The following DGKK variants were observed in gnomAD, a reference collection of about 807,000 sequenced individuals.
DGKK encodes 142 kDa diacylglycerol kinase.
In DGKK, 35 loss-of-function variants were observed where a neutral mutation model predicts 92.2. The observed-to-expected ratio is 0.38, with a 90% CI of 0.29 to 0.50. DGKK has a LOEUF of 0.50. DGKK is among the 20% of genes least tolerant of loss of function. The pLI, the probability that DGKK is intolerant of heterozygous loss-of-function variation, is 0.92. For missense variants in DGKK, 910 were observed against 992.2 expected, an observed-to-expected ratio of 0.92 and a Z score of 1.11; for synonymous variants, 368 against 360.6, an observed-to-expected ratio of 1.02 and a Z score of -0.23.
At chrX:50,441,496 T>A (rs914320819) in intron 1 of DGKK, among the ~76,000 whole-genome samples, 3 of 111,519 alleles carry the variant, frequency 2.7e-5, no homozygotes, top group Admixed American at 9.5e-5. Context: ...CAGTGAAGGA[T>A]TTCAGGAAGG....
chrX:50,385,215 T>C (rs1490426807), intron 15 of DGKK, among the ~76,000 whole-genome samples: 1 of 111,835 alleles, frequency 8.9e-6, no homozygotes, highest in Non-Finnish European at 1.9e-5. Flanking sequence ...TTTACTTATG[T>C]GGCTTTTGTC....
chrX:50,378,128 C>T lies in DGKK; in HGVS notation c.3081G>A (p.Lys1027=). The T allele has an allele frequency of 8.3e-7, 1 of 1,210,285 alleles. No homozygotes were observed. The highest frequency in any genetic ancestry group is 1.1e-6 in the Non-Finnish European group (1 of 895,005). Residue 1027 remains lysine (K), a synonymous_variant, in exon 22 of 28, where the codon AAG becomes AAA. Coordinates refer to ENST00000611977, the MANE Select transcript of DGKK (RefSeq NM_001013742.4). The part of the protein sequence containing the change: ...QRPGLIKIRY[K]NAAQMLTRDR... ...CTCTTGTCAGCATCTGGGCAGCGTT[C>T]TTGTATCTAATTTTGATAAGGCCTG...
intron 1 of DGKK, among the ~76,000 whole-genome samples, chrX:50,464,707 GAAT>G (rs1439732230): frequency 9.1e-6 from 1 of 110,103 alleles, no homozygotes; most frequent in Non-Finnish European, 1.9e-5. Flanking sequence ...GTTTTTGGGA[GAAT>G]AATAGGTCTC....
intron 7 of DGKK, 21 bp downstream of exon 7, chrX:50,403,040 T>C (rs782666957): frequency 8.3e-7 from 1 of 1,207,829 alleles, no homozygotes; most frequent in South Asian, 1.8e-5. Context: ...TCTCTAAATA[T>C]CAAGATGAGA....
chrX:50,424,295 A>T lies in DGKK; in HGVS notation c.709T>A (p.Tyr237Asn). 1 of 1,211,309 alleles carries T rather than the reference A, an allele frequency of 8.3e-7. No individual in the cohort carries two copies. Among genetic ancestry groups the T allele is most frequent in the South Asian group, 1.8e-5 (1 of 56,925 alleles). The change falls in exon 2 of 28, where the codon TAT becomes AAT. Residue 237 changes from tyrosine to asparagine, a missense_variant. Tyr to Asn is a moderately radical substitution (Grantham distance 143, BLOSUM62 -2). Coordinates refer to ENST00000611977, the MANE Select transcript of DGKK (RefSeq NM_001013742.4). ...CNSFKRWKLR[Y>N]FLVQGQKLYF... ...AGCTTCTGTCCTTGAACCAGAAAAT[A>T]TCTAAGCTTCCATCTCTTGAAAGAG...
chrX:50,411,409 A>T (rs1925301740), intron 4 of DGKK, among the ~76,000 whole-genome samples: 1 of 112,699 alleles, frequency 8.9e-6, no homozygotes, highest in Non-Finnish European at 1.9e-5. Flanking sequence ...ATGATGCAAC[A>T]TACATAAATC....
rs782533328 is a variant in DGKK at position 50,369,024 on chromosome X, A to G, written c.3737-5T>C. 5 of 1,200,042 alleles carry G rather than the reference A, an allele frequency of 4.2e-6. No individual in the cohort carries two copies. The highest frequency in any genetic ancestry group is 2.2e-5 in the Admixed American group (1 of 45,645). On this transcript the variant is annotated splice_region_variant and splice_polypyrimidine_tract_variant and intron_variant, in intron 27 of 27. Transcript: ENST00000611977. ...GTCTGCGGTGCCATAAATTGCCTTC[A>G]GAGGAAAAAAAATGGTATAGAAATA... is the stretch of plus-strand genomic sequence containing the variant.
chrX:50,410,606 C>T (rs1557227825), intron 4 of DGKK, among the ~76,000 whole-genome samples: 1 of 111,792 alleles, frequency 8.9e-6, no homozygotes, highest in Non-Finnish European at 1.9e-5. Context: ...TGGCAACTAT[C>T]CACAGGCAAG....
rs1265171501 is a variant in DGKK, at chrX:50,447,417, TA to T, written c.645+22616del. ...ATATTATATATATATATAATATATA[TA>T]TATATATATTATATATATATTTCAC... On this transcript the variant is annotated intron_variant, in intron 1 of 27. Transcript: ENST00000611977. Among the ~76,000 whole-genome samples, 13 of 15,937 alleles carry T rather than the reference TA, an allele frequency of 8.2e-4. 2 individuals are homozygous for T. The African/African-American group carries it at 8.7e-3, about 11-fold the overall frequency. The allele number at this position is 15,937 out of a possible 115,157, so 13.8% of individuals were successfully genotyped here. A position where few individuals can be genotyped will look rare whatever the true frequency, so the allele number is the denominator to read the frequency against.
intron 4 of DGKK, among the ~76,000 whole-genome samples, chrX:50,411,448 C>T (rs190899644): frequency 1.5e-3 from 170 of 111,700 alleles, no homozygotes; most frequent in African/African-American, 5.1e-3. Flanking sequence ...TATCAACAAA[C>T]GAAGAATTCA....
intron 8 of DGKK, among the ~76,000 whole-genome samples, chrX:50,399,238 C>CTG (rs5902471): frequency 0.02 from 2,140 of 106,283 alleles, 38 homozygotes; most frequent in African/African-American, 0.059. Flanking sequence ...TCTAGAGTGG[C>CTG]TGTGTGTGTG....
intron 8 of DGKK, among the ~76,000 whole-genome samples, chrX:50,394,405 A>G (rs1924786252): frequency 1.8e-5 from 2 of 111,671 alleles, no homozygotes; most frequent in Admixed American, 1.9e-4. Flanking sequence ...GCTTGAAGGC[A>G]TCCTAAGCCA....
Position 50,470,810 on chromosome X carries a change from T to C in DGKK, c.-132A>G, listed in dbSNP as rs1927061102. 5.2e-6 allele frequency: 4 copies of C among 767,410 alleles called. No homozygotes were observed. Among genetic ancestry groups the C allele is most frequent in the Non-Finnish European group, 7.2e-6 (4 of 554,392 alleles). 63.2% of individuals were successfully genotyped at this position (767,410 alleles called of 1,213,427 possible). ...CCAAACTTTCCCCCATCCCACTCCATGGCTGGCTTGGCTCTGAGGTCTAAC... is the reference window on the plus strand; with the variant it reads ...CCAAACTTTCCCCCATCCCACTCCACGGCTGGCTTGGCTCTGAGGTCTAAC... On this transcript the variant is annotated 5_prime_UTR_variant, in exon 1 of 28. It removes an upstream start codon present in the reference 5' UTR. Coordinates refer to ENST00000611977, the MANE Select transcript of DGKK (RefSeq NM_001013742.4).
chrX:50,430,542 T>C (rs782558468), intron 1 of DGKK, among the ~76,000 whole-genome samples: 17 of 112,005 alleles, frequency 1.5e-4, no homozygotes, highest in African/African-American at 4.9e-4. Context: ...CAGAGATCAA[T>C]TGGCTTCATT....
Position 50,371,809 on chromosome X carries a change from G to A in DGKK, c.3527C>T (p.Ala1176Val), listed in dbSNP as rs782231491. 5.0e-6 allele frequency: 6 copies of A among 1,202,922 alleles called. No homozygotes were observed. Among genetic ancestry groups the A allele is most frequent in the Non-Finnish European group, 6.7e-6 (6 of 889,063 alleles). Residue 1176 changes from alanine (A) to valine (V), a missense_variant, in exon 26 of 28, where the codon GCA (alanine) becomes GTA (valine). Ala to Val is a moderately conservative substitution (Grantham distance 64). Transcript: ENST00000611977. ...CATGGCATCCAGGGCGCTTTGTAGT[G>A]CAGTCTCATCCTCAGCACTTCTCAG... Reference protein sequence around the residue: ...KLLRSAEDETALQSALDAMNK... With the variant: ...KLLRSAEDETVLQSALDAMNK...
rs1240528566 is a variant in DGKK at position 50,470,454 on chromosome X, T to C, written c.225A>G (p.Thr75=). 19 of 1,211,332 alleles carry C rather than the reference T, an allele frequency of 1.6e-5. No individual in the cohort carries two copies. Among genetic ancestry groups the C allele is most frequent in the Non-Finnish European group, 1.9e-5 (17 of 895,384 alleles). The change falls in exon 1 of 28, where the codon ACA becomes ACG. Residue 75 remains threonine (T), a synonymous_variant. Transcript: ENST00000611977. ...CTGGGGTCGGTTCTGTGTACAGTTC[T>C]GTGGCTGATTCTGAGGTCGCCTCTG... ...PCPEATSESA[T]ELYTEPTPEP...
chrX:50,420,054 T>A (rs1925538098), intron 4 of DGKK, among the ~76,000 whole-genome samples: 3 of 111,583 alleles, frequency 2.7e-5, no homozygotes, highest in Admixed American at 9.5e-5. Context: ...ATCACTATAG[T>A]CATTCAGCAG....
chrX:50,423,089 C>T (rs1422592973), intron 2 of DGKK, among the ~76,000 whole-genome samples: 1 of 112,313 alleles, frequency 8.9e-6, no homozygotes, highest in Non-Finnish European at 1.9e-5. Flanking sequence ...TTCAGAAGGG[C>T]CTCACACTTA....
chrX:50,387,135 T>C lies in DGKK; in HGVS notation c.2118+419A>G, dbSNP rs782284673. 2.1e-4 allele frequency among the ~76,000 whole-genome samples: 23 copies of C among 112,061 alleles called. No homozygotes were observed. In the South Asian group the frequency reaches 7.9e-3, roughly 38 times the overall value. On this transcript the variant is annotated intron_variant, in intron 14 of 27. Coordinates refer to ENST00000611977, the MANE Select transcript of DGKK (RefSeq NM_001013742.4). ...TTCTAGGGTAGTTGTGAGGAATAAA[T>C]ACATTAATACATTAAAAACAGAACA... is the stretch of plus-strand genomic sequence containing the variant.
Sources: allele counts gnomAD v4.1 joint callset (sites outside exome capture counted in the v4.1 genomes callset), GRCh38; gene constraint gnomAD v4.1.1; transcripts MANE v1.5; gene names NCBI Gene and HGNC (gene_info 2026-07-23, HGNC 2026-07-21).